Variants in MAK observed in about 807,000 individuals in gnomAD.
The protein encoded by MAK is serine/threonine-protein kinase MAK.
In MAK, 65 loss-of-function variants were observed where a neutral mutation model predicts 82.6. The observed-to-expected ratio is 0.79, with a 90% CI of 0.64 to 0.97. The LOEUF is 0.97. Ranked by LOEUF, MAK falls within the 50% of genes least tolerant of loss-of-function variation. The pLI, the probability that MAK is intolerant of heterozygous loss-of-function variation, is 0.00. For missense variants in MAK, 703 were observed against 780.2 expected (o/e 0.90, Z 1.18); for synonymous variants, 250 against 274.2 (o/e 0.91, Z 0.87).
At chr6:10,835,605 T>C (rs1779102579) in intron 1 of MAK, among the ~76,000 whole-genome samples, 2 of 152,230 alleles carry the variant, frequency 1.3e-5, no homozygotes, top group African/African-American at 2.4e-5. Context: ...GATAGCATCA[T>C]CTTTTCTTTT....
In MAK at chr6:10,764,519, C is replaced by T. The variant is rs777002916; in HGVS notation, c.1880G>A (p.Arg627His). The T allele has an allele frequency of 1.2e-5, 19 of 1,614,008 alleles. No homozygotes were observed. Among genetic ancestry groups the T allele is most frequent in the East Asian group, 2.2e-5 (1 of 44,872 alleles). The stretch of plus-strand genomic sequence containing the variant: ...ATGCACTGAGGGAATGGGCTGTGCA[C>T]GGTTCACAATATTTAGGTTTTTTGC... ...PTAKNLNIVN[R>H]AQPIPSVHGR... The change falls in exon 15 of 15, where the codon CGT becomes CAT. Residue 627 changes from arginine to histidine, a missense_variant. Arg to His is a conservative substitution (Grantham distance 29, BLOSUM62 0). Transcript: ENST00000354489.
chr6:10,812,649 T>G (rs1431203707), intron 5 of MAK, among the ~76,000 whole-genome samples: 3 of 151,764 alleles, frequency 2.0e-5, no homozygotes, highest in Non-Finnish European at 4.4e-5. Flanking sequence ...CACGATAAAA[T>G]TAGGGAGAAT....
intron 2 of MAK, among the ~76,000 whole-genome samples, chr6:10,825,147 C>T (rs755273614): frequency 2.0e-5 from 3 of 152,150 alleles, no homozygotes; most frequent in Non-Finnish European, 4.4e-5. Context: ...TGAACATGGA[C>T]GTAATGCCTG....
At chr6:10,833,782 G>A (rs1195774056) in intron 1 of MAK, among the ~76,000 whole-genome samples, 1 of 151,954 alleles carries the variant, frequency 6.6e-6, no homozygotes, top group Non-Finnish European at 1.5e-5. Flanking sequence ...CTCTATTTAG[G>A]GGTTTCTTCC....
At chr6:10,818,015 T>G in intron 3 of MAK, 44 bp from the exon 4 acceptor site, 3 of 1,324,672 alleles carry the variant, frequency 2.3e-6, no homozygotes, top group Non-Finnish European at 3.1e-6. Flanking sequence ...AAAAAAAACT[T>G]ACAGAATTTG....
rs182473369 is a variant in MAK, at chr6:10,776,947, T to C, written c.1466-1488A>G. ...TAAAAACACAAAAATTAGCCAGGCA[T>C]GAGACAGGAGAATCGCTTGAACCTG... On this transcript the variant is annotated intron_variant, in intron 11 of 14. Transcript: ENST00000354489. This position sits in a 1 kb window ranked among gnomAD's most constrained non-coding sequence, Gnocchi z 4.3. 2.5e-4 allele frequency among the ~76,000 whole-genome samples: 37 copies of C among 150,630 alleles called. No individual in the cohort carries two copies. Among genetic ancestry groups the C allele is most frequent in the African/African-American group, 8.3e-4 (34 of 40,930 alleles).
In MAK at chr6:10,803,776, T is replaced by C; in HGVS notation, c.607A>G (p.Thr203Ala). The C allele has an allele frequency of 6.2e-7, 1 of 1,614,106 alleles. No homozygotes were observed. Reference protein sequence around the residue: ...LYMLRPLFPGTSEVDEIFKIC... With the variant: ...LYMLRPLFPGASEVDEIFKIC... The stretch of plus-strand genomic sequence containing the variant: ...TTAAAGATTTCATCGACCTCACTTG[T>C]CCCTGGGAAAAGTGGCCTTAACATA... The change falls in exon 7 of 15, where the codon ACA becomes GCA. Residue 203 changes from threonine to alanine, a missense_variant. Thr to Ala is a moderately conservative substitution (Grantham distance 58). Transcript: ENST00000354489.
chr6:10,825,249 T>G (rs965274286), intron 2 of MAK, among the ~76,000 whole-genome samples: 1 of 152,224 alleles, frequency 6.6e-6, no homozygotes, highest in Non-Finnish European at 1.5e-5. Context: ...AGAAAACATC[T>G]GAATTTCTTG....
intron 2 of MAK, among the ~76,000 whole-genome samples, chr6:10,824,356 T>C (rs911633756): frequency 1.3e-5 from 2 of 152,220 alleles, no homozygotes; most frequent in African/African-American, 4.8e-5. Context: ...CTTTTCACCG[T>C]CGCTACCCTC....
chr6:10,817,085 T>C (rs1303891351), intron 4 of MAK, among the ~76,000 whole-genome samples: 1 of 152,022 alleles, frequency 6.6e-6, no homozygotes, highest in African/African-American at 2.4e-5. Context: ...GGGAAAAATA[T>C]GATTAAAGAA....
chr6:10,817,974 GA>G lies in MAK; in HGVS notation c.157-4del. ...GCATGATTAAGTTTCTTCAGAGACT[GA>G]AAAATAACAAATATGCCTTAAAATT... On this transcript the variant is annotated splice_polypyrimidine_tract_variant and splice_region_variant and intron_variant, in intron 3 of 14. Coordinates refer to ENST00000354489, the MANE Select transcript of MAK (RefSeq NM_001242957.3). 2 of 1,433,780 alleles carry G rather than the reference GA, an allele frequency of 1.4e-6. No individual in the cohort carries two copies. The highest frequency in any genetic ancestry group is 1.9e-6 in the Non-Finnish European group (2 of 1,043,806). 88.8% of individuals were successfully genotyped at this position (1,433,780 alleles called of 1,614,324 possible). A position where few individuals can be genotyped will look rare whatever the true frequency, so the allele number is the denominator to read the frequency against.
At chr6:10,784,659 A>ATCTCGCCCACCCTCTGCACC (rs1774355751) in intron 10 of MAK, 87 bp from the exon 11 acceptor site, 6 of 1,217,252 alleles carry the variant, frequency 4.9e-6, no homozygotes, top group African/African-American at 3.1e-5. Flanking sequence ...CCCTCTGCAC[A>ATCTCGCCCACCCTCTGCACC]TCTTCCTAAG....
At chr6:10,792,673 C>T (rs1438181001) in intron 9 of MAK, among the ~76,000 whole-genome samples, 1 of 152,122 alleles carries the variant, frequency 6.6e-6, no homozygotes, top group Admixed American at 6.6e-5. Flanking sequence ...CAACTCAAAA[C>T]TAGGGAAGAG....
At chr6:10,798,171 G>A (rs956515653) in intron 8 of MAK, among the ~76,000 whole-genome samples, 2 of 139,642 alleles carry the variant, frequency 1.4e-5, no homozygotes, top group South Asian at 2.3e-4. Context: ...AGACTGGAGT[G>A]CAGTGGCACG....
At chr6:10,779,429 C>A in intron 11 of MAK, 1 of 985,322 alleles carries the variant, frequency 1.0e-6, no homozygotes, top group Non-Finnish European at 1.2e-6. Flanking sequence ...AACTATGACT[C>A]TTGCGTCTCT....
intron 6 of MAK, among the ~76,000 whole-genome samples, chr6:10,805,655 C>T (rs1581718963): frequency 2.0e-5 from 3 of 151,686 alleles, no homozygotes; most frequent in South Asian, 2.1e-4. Flanking sequence ...AGCCTATGGT[C>T]GAATTGGTTT....
chr6:10,829,899 C>A (rs1338634258), intron 2 of MAK, among the ~76,000 whole-genome samples: 1 of 151,734 alleles, frequency 6.6e-6, no homozygotes, highest in Non-Finnish European at 1.5e-5. Flanking sequence ...TGCAGTGGTG[C>A]AATCTCAGCT....
At chr6:10,770,294 T>C (rs1772884838) in intron 13 of MAK, 64 bp from the exon 14 acceptor site, 1 of 1,557,790 alleles carries the variant, frequency 6.4e-7, no homozygotes, top group Non-Finnish European at 8.8e-7. Flanking sequence ...TAGAATAACA[T>C]TGAATACTAC....
At chr6:10,835,789 G>C (rs1218954156) in intron 1 of MAK, among the ~76,000 whole-genome samples, 3 of 151,838 alleles carry the variant, frequency 2.0e-5, no homozygotes, top group African/African-American at 7.3e-5. Flanking sequence ...TTCAGGAAGT[G>C]GAAACACAAA....
Sources: gnomAD v4.1 joint callset for allele counts (sites outside exome capture counted in the v4.1 genomes callset) on GRCh38, gnomAD v4.1.1 for gene constraint, Gnocchi (gnomAD v3.1) non-coding constraint, MANE v1.5 for transcripts, NCBI Gene and HGNC (gene_info 2026-07-23, HGNC 2026-07-21) for gene names.